TLL2: variants seen among roughly 807,000 people sequenced by gnomAD.
The protein encoded by TLL2 is tolloid like 2.
In TLL2, 106 loss-of-function variants were observed where a neutral mutation model predicts 123.0. The ratio of observed to expected loss-of-function variants is 0.86; its 90% CI spans 0.74 to 1.01. The LOEUF (loss-of-function observed/expected upper bound fraction) is 1.01. Ranked by LOEUF, TLL2 falls within the 50% of genes least tolerant of loss-of-function variation. TLL2 has a pLI of 0.00. For missense variants in TLL2, 1,332 were observed against 1,336.7 expected (o/e 1.00, Z 0.06); for synonymous variants, 494 against 516.8 (o/e 0.96, Z 0.60).
intron 3 of TLL2, among the ~76,000 whole-genome samples, chr10:96,433,688 A>G (rs1846766653): frequency 6.6e-6 from 1 of 152,166 alleles, no homozygotes; most frequent in South Asian, 2.1e-4. Context: ...AGAATCCCTC[A>G]TTATTCTAAC....
At chr10:96,458,693 C>G (rs900091794) in intron 2 of TLL2, among the ~76,000 whole-genome samples, 1 of 150,998 alleles carries the variant, frequency 6.6e-6, no homozygotes, top group African/African-American at 2.4e-5. Context: ...ATTGCTTGAA[C>G]CCAGGAGGCA....
At chr10:96,452,861 A>G (rs1846974795) in intron 2 of TLL2, among the ~76,000 whole-genome samples, 1 of 152,236 alleles carries the variant, frequency 6.6e-6, no homozygotes, top group African/African-American at 2.4e-5. Context: ...TAAAAGGCAA[A>G]GCCCTTTTAA....
intron 2 of TLL2, among the ~76,000 whole-genome samples, chr10:96,465,796 G>T (rs927934817): frequency 5.3e-5 from 8 of 152,210 alleles, no homozygotes; most frequent in South Asian, 2.1e-4. Context: ...GAGTGGTGGG[G>T]ACTGCGGCTC....
chr10:96,499,115 G>T (rs116123834), intron 1 of TLL2, among the ~76,000 whole-genome samples: 1 of 152,170 alleles, frequency 6.6e-6, no homozygotes, highest in Non-Finnish European at 1.5e-5. Context: ...GAAGGATACC[G>T]CAAATAGAAG....
Position 96,513,876 on chromosome 10 carries a change from GC to G in TLL2, c.-192del, listed in dbSNP as rs973485254. 2.6e-5 allele frequency: 15 copies of G among 580,846 alleles called. No individual in the cohort carries two copies. Among genetic ancestry groups the G allele is most frequent in the African/African-American group, 2.6e-4 (13 of 50,536 alleles). 36.0% of individuals were successfully genotyped at this position (580,846 alleles called of 1,614,324 possible). A position where few individuals can be genotyped will look rare whatever the true frequency, so the allele number is the denominator to read the frequency against. On this transcript the variant is annotated 5_prime_UTR_variant, in exon 1 of 21. Transcript: ENST00000357947. ...TCTTCGTCGAGGCAACCGGGAAGCA[GC>G]CGCTCGGAGCTACTTGCCCGGCGGC...
chr10:96,431,127 C>T (rs1360724280), intron 4 of TLL2, among the ~76,000 whole-genome samples: 1 of 152,112 alleles, frequency 6.6e-6, no homozygotes, highest in Non-Finnish European at 1.5e-5. Flanking sequence ...GAAAAGCACA[C>T]CAGATCTGAA....
At chr10:96,436,198 T>C (rs1846793562) in intron 3 of TLL2, among the ~76,000 whole-genome samples, 1 of 152,250 alleles carries the variant, frequency 6.6e-6, no homozygotes, top group African/African-American at 2.4e-5. Flanking sequence ...TGTCAATAAA[T>C]GGACATGGCT....
intron 7 of TLL2, among the ~76,000 whole-genome samples, chr10:96,420,598 G>C (rs924700431): frequency 1.3e-5 from 2 of 152,182 alleles, no homozygotes; most frequent in Admixed American, 1.3e-4. Context: ...TCTGCTAGGA[G>C]AATTGGTGAG....
chr10:96,407,959 TA>T (rs1369646999), intron 9 of TLL2, among the ~76,000 whole-genome samples: 22 of 152,208 alleles, frequency 1.4e-4, no homozygotes, highest in Non-Finnish European at 2.9e-4. Flanking sequence ...ACTTGCACAT[TA>T]AAATCAACTT....
intron 19 of TLL2, among the ~76,000 whole-genome samples, 186 bp from the exon 20 acceptor site, chr10:96,370,501 G>A (rs1188339975): frequency 1.3e-5 from 2 of 152,226 alleles, no homozygotes; most frequent in Admixed American, 1.3e-4. Flanking sequence ...CTCCCTCGGG[G>A]GTGCAAAGTG....
intron 1 of TLL2, among the ~76,000 whole-genome samples, chr10:96,495,406 A>G (rs924386360): frequency 6.6e-6 from 1 of 152,182 alleles, no homozygotes; most frequent in African/African-American, 2.4e-5. Context: ...TTTTTTTAGT[A>G]AAAAGTTAAT....
Position 96,376,745 on chromosome 10 carries a change from G to C in TLL2, c.2395C>G (p.Arg799Gly). The change falls in exon 18 of 21, where the codon CGG becomes GGG. Residue 799 changes from arginine to glycine, a missense_variant. By Grantham distance (125) the Arg-to-Gly change is moderately radical (BLOSUM62 -2). Transcript: ENST00000357947. ...SPNWPDKYPSRRECTWNISST... is the reference protein window; with the variant it reads ...SPNWPDKYPSGRECTWNISST... ...GAGATGTTCCAGGTACACTCCCTCC[G>C]GCTGGGGTATTTGTCAGGCCAGTTG... is the stretch of plus-strand genomic sequence containing the variant. The C allele has an allele frequency of 6.2e-7, 1 of 1,606,078 alleles. No individual in the cohort carries two copies. The highest frequency in any genetic ancestry group is 8.5e-7 in the Non-Finnish European group (1 of 1,176,856).
intron 3 of TLL2, among the ~76,000 whole-genome samples, chr10:96,437,943 G>T (rs2134083491): frequency 6.6e-6 from 1 of 152,240 alleles, no homozygotes; most frequent in South Asian, 2.1e-4. Flanking sequence ...ATAGTAATTG[G>T]GTCTATTTCT....
chr10:96,503,126 G>A (rs1234221464), intron 1 of TLL2, among the ~76,000 whole-genome samples: 3 of 152,116 alleles, frequency 2.0e-5, no homozygotes, highest in Non-Finnish European at 4.4e-5. Context: ...CTTCATGGGT[G>A]AGAGCAAGTG....
chr10:96,458,325 G>A (rs1432403977), intron 2 of TLL2, among the ~76,000 whole-genome samples: 1 of 151,878 alleles, frequency 6.6e-6, no homozygotes, highest in Non-Finnish European at 1.5e-5. Context: ...AGTGGCTCAC[G>A]CCTATAATCC....
chr10:96,492,293 C>T (rs1847422459), intron 1 of TLL2, among the ~76,000 whole-genome samples: 1 of 151,882 alleles, frequency 6.6e-6, no homozygotes, highest in Non-Finnish European at 1.5e-5. Flanking sequence ...AGAAGCTGCA[C>T]AGGTTTTCTG....
intron 7 of TLL2, among the ~76,000 whole-genome samples, chr10:96,417,885 C>G (rs548641253): frequency 1.3e-5 from 2 of 152,286 alleles, no homozygotes; most frequent in East Asian, 3.9e-4. Context: ...ACTAACTAAC[C>G]CACAGTATCA....
At position 96,389,561 on chromosome 10, in the gene TLL2, T is replaced by C. The variant is rs551163575; in HGVS notation, c.1727-2483A>G. ...CAGGAGGGCAGCACAGCAGAAGAAC[T>C]CAAGACACTGGCTGGGGGACCTAGG... On this transcript the variant is annotated intron_variant, in intron 13 of 20. Coordinates refer to ENST00000357947, the MANE Select transcript of TLL2 (RefSeq NM_012465.4). 2.0e-5 allele frequency among the ~76,000 whole-genome samples: 3 copies of C among 152,104 alleles called. No homozygotes were observed. The South Asian group carries it at 6.2e-4, about 32-fold the overall frequency.
At chr10:96,470,426 A>G (rs533985614) in intron 2 of TLL2, among the ~76,000 whole-genome samples, 7 of 152,358 alleles carry the variant, frequency 4.6e-5, no homozygotes, top group African/African-American at 1.7e-4. Context: ...TGCTGGAATA[A>G]AAGAAGAAAG....
Sources: gnomAD v4.1 joint callset for allele counts (sites outside exome capture counted in the v4.1 genomes callset) on GRCh38, gnomAD v4.1.1 for gene constraint, MANE v1.5 for transcripts, NCBI Gene and HGNC (gene_info 2026-07-23, HGNC 2026-07-21) for gene names.